Variants in LARGE1 observed in about 807,000 individuals in gnomAD.
LARGE1 encodes the protein LARGE xylosyl- and glucuronyltransferase 1.
A neutral mutation model predicts 87.6 loss-of-function variants in LARGE1; 43 were observed. The observed-to-expected ratio is 0.49, with a 90% confidence interval of 0.38 to 0.63. LARGE1 has a LOEUF of 0.63. LARGE1 is among the 30% of genes least tolerant of loss of function. The pLI is 0.00. For missense variants in LARGE1, 802 were observed against 1,000.2 expected, an observed-to-expected ratio of 0.80 and a Z score of 2.67; for synonymous variants, 434 against 394.6, an observed-to-expected ratio of 1.10 and a Z score of -1.18.
At chr22:33,515,152 A>T (rs2071242430) in intron 6 of LARGE1, among the ~76,000 whole-genome samples, 1 of 152,164 alleles carries the variant, frequency 6.6e-6, no homozygotes, top group South Asian at 2.1e-4. Context: ...AAAAACAACA[A>T]AAAAGAATGA....
At chr22:33,134,605 A>G in the LARGE1 span, among the ~76,000 whole-genome samples, 2 of 152,140 alleles carry the variant, frequency 1.3e-5, no homozygotes, top group Non-Finnish European at 2.9e-5. Context: ...TAGTGGTCAT[A>G]CCTGTCTTAA....
At chr22:33,574,740 A>G in intron 5 of LARGE1, among the ~76,000 whole-genome samples, 1 of 145,160 alleles carries the variant, frequency 6.9e-6, no homozygotes. Context: ...GTGTGTGTAA[A>G]ATAACTATAG....
chr22:33,255,269 T>C (rs544677816), intron 11 of LARGE1, among the ~76,000 whole-genome samples: 1 of 152,270 alleles, frequency 6.6e-6, no homozygotes, highest in South Asian at 2.1e-4. Context: ...AGTTGAGTCA[T>C]TGGTATTTTA....
intron 11 of LARGE1, among the ~76,000 whole-genome samples, chr22:33,167,851 T>G (rs1158712211): frequency 6.6e-6 from 1 of 152,172 alleles, no homozygotes; most frequent in African/African-American, 2.4e-5. Flanking sequence ...GTTTGTTCAT[T>G]CTCTCCCCTA....
intron 5 of LARGE1, among the ~76,000 whole-genome samples, chr22:33,579,577 G>A (rs2078453463): frequency 6.6e-6 from 1 of 152,134 alleles, no homozygotes; most frequent in South Asian, 2.1e-4. Flanking sequence ...ACCTGCTGCA[G>A]CCCCAGCCCA....
chr22:33,373,911 T>C (rs1601621540), intron 9 of LARGE1, among the ~76,000 whole-genome samples: 1 of 143,056 alleles, frequency 7.0e-6, no homozygotes, highest in Admixed American at 7.4e-5. Flanking sequence ...GAGGTGGAGG[T>C]TGCAGTCAGC....
At chr22:33,648,067 T>C (rs1415813021) in intron 3 of LARGE1, among the ~76,000 whole-genome samples, 2 of 152,184 alleles carry the variant, frequency 1.3e-5, no homozygotes, top group African/African-American at 2.4e-5. Flanking sequence ...CAGAACTTGA[T>C]TTTAATCCAC....
At chr22:33,604,329 T>G in intron 5 of LARGE1, 106 bp downstream of exon 5, 1 of 1,459,922 alleles carries the variant, frequency 6.8e-7, no homozygotes, top group Non-Finnish European at 9.6e-7. Flanking sequence ...CTACACATTT[T>G]CAGTTAGGAG....
chr22:33,556,287 G>A (rs974304246), intron 6 of LARGE1, among the ~76,000 whole-genome samples: 2 of 151,944 alleles, frequency 1.3e-5, no homozygotes, highest in African/African-American at 4.8e-5. Flanking sequence ...TGTAGTTAGT[G>A]ATTTCAGGCA....
intron 7 of LARGE1, among the ~76,000 whole-genome samples, chr22:33,420,112 C>T (rs533885874): frequency 4.5e-4 from 69 of 152,268 alleles, no homozygotes; most frequent in African/African-American, 1.6e-3. Flanking sequence ...CAGACATTGC[C>T]GGTGTCCCAT....
At chr22:33,276,027 T>A (rs541621182) in intron 14 of LARGE1, among the ~76,000 whole-genome samples, 2 of 152,208 alleles carry the variant, frequency 1.3e-5, no homozygotes, top group Non-Finnish European at 2.9e-5. Flanking sequence ...CTAACGCCTC[T>A]CAATCACCTG....
At chr22:33,782,595 G>A (rs1016963430) in intron 1 of LARGE1, among the ~76,000 whole-genome samples, 5 of 152,206 alleles carry the variant, frequency 3.3e-5, no homozygotes, top group African/African-American at 7.2e-5. Context: ...GGCTGGGCGC[G>A]GTGGCTCATG....
chr22:33,442,700 A>G (rs1032840349), intron 6 of LARGE1, among the ~76,000 whole-genome samples: 14 of 151,334 alleles, frequency 9.3e-5, no homozygotes, highest in African/African-American at 3.2e-4. Context: ...TGCTGTCCAT[A>G]TGTGTATGGA....
intron 11 of LARGE1, among the ~76,000 whole-genome samples, chr22:33,306,885 A>AG (rs1442770569): frequency 1.3e-5 from 2 of 151,060 alleles, no homozygotes; most frequent in Non-Finnish European, 2.9e-5. Flanking sequence ...AAAAGAATAG[A>AG]GAAAAAATAC....
intron 4 of LARGE1, among the ~76,000 whole-genome samples, chr22:33,609,344 T>C (rs957091597): frequency 7.2e-5 from 11 of 152,202 alleles, no homozygotes; most frequent in African/African-American, 2.7e-4. Flanking sequence ...ACAGGTAATA[T>C]GCAGGACACT....
At chr22:33,214,031 T>C (rs1194883436) in intron 11 of LARGE1, among the ~76,000 whole-genome samples, 1 of 152,210 alleles carries the variant, frequency 6.6e-6, no homozygotes, top group African/African-American at 2.4e-5. Flanking sequence ...CGTTTCACCG[T>C]ACTAGCCAGG....
chr22:33,409,302 G>C (rs886402125), intron 7 of LARGE1, among the ~76,000 whole-genome samples: 1 of 152,160 alleles, frequency 6.6e-6, no homozygotes, highest in African/African-American at 2.4e-5. Context: ...AGGAGGAGGA[G>C]GAGGCTGGTC....
intron 6 of LARGE1, among the ~76,000 whole-genome samples, chr22:33,493,540 C>T (rs750684352): frequency 6.6e-6 from 1 of 152,062 alleles, no homozygotes; most frequent in African/African-American, 2.4e-5. Context: ...GTGATGACAG[C>T]CAAGTCTGAG....
chr22:33,904,633 T>C (rs571883062), intron 1 of LARGE1, among the ~76,000 whole-genome samples: 10 of 152,276 alleles, frequency 6.6e-5, no homozygotes, highest in Admixed American at 3.3e-4. Context: ...GGTGACGCTG[T>C]TCGAGGACTT....
Sources: gnomAD v4.1 joint callset for allele counts (sites outside exome capture counted in the v4.1 genomes callset) on GRCh38, gnomAD v4.1.1 for gene constraint, MANE v1.5 for transcripts, NCBI Gene and HGNC (gene_info 2026-07-23, HGNC 2026-07-21) for gene names.